The following ADAMTS2 variants were observed in gnomAD, a reference collection of about 807,000 sequenced individuals.
ADAMTS2 encodes ADAM metallopeptidase with thrombospondin type 1 motif 2.
Under a neutral mutation model 123.0 loss-of-function variants are expected in ADAMTS2, and 50 were observed. The observed-to-expected ratio is 0.41, with a 90% CI of 0.32 to 0.51. The LOEUF (loss-of-function observed/expected upper bound fraction) is 0.51, where lower values mean the gene tolerates loss of function less well. Ranked by LOEUF, ADAMTS2 falls within the 20% of genes least tolerant of loss-of-function variation. The probability of loss-of-function intolerance (pLI) is 0.35; values close to 1 mark genes in which losing one functional copy is unlikely to be tolerated. For synonymous variants in ADAMTS2, 678 were observed against 695.4 expected, an observed-to-expected ratio of 0.98 and a Z score of 0.39; for missense variants, 1,494 against 1,705.2, an observed-to-expected ratio of 0.88 and a Z score of 2.18.
At chr5:179,133,002 T>C in intron 13 of ADAMTS2, 102 bp from the exon 14 acceptor site, 8 of 1,488,692 alleles carry the variant, frequency 5.4e-6, no homozygotes, top group Non-Finnish European at 6.4e-6. Context: ...CAAGCGATCC[T>C]CCTGCCTTGG....
In ADAMTS2 at chr5:179,276,737, G is replaced by A. The variant is rs145610018; in HGVS notation, c.535-3673C>T. ...GGGCATCTCCCAGACAGGTCCCTGGGCCAGACTGGGCCGATTGAGCCAATT... is the reference window on the plus strand; with the variant it reads ...GGGCATCTCCCAGACAGGTCCCTGGACCAGACTGGGCCGATTGAGCCAATT... On this transcript the variant is annotated intron_variant, in intron 2 of 21. Transcript: ENST00000251582. Among the ~76,000 whole-genome samples, 21 of 152,352 alleles carry A rather than the reference G, an allele frequency of 1.4e-4. No homozygotes were observed. The East Asian group carries it at 3.7e-3, about 27-fold the overall frequency.
At chr5:179,157,768 T>A (rs765927670) in intron 6 of ADAMTS2, among the ~76,000 whole-genome samples, 9 of 152,168 alleles carry the variant, frequency 5.9e-5, no homozygotes, top group African/African-American at 9.7e-5. Context: ...CTGATAAGAG[T>A]CTCCTGCCCA....
chr5:179,304,144 G>T (rs1756607037), intron 2 of ADAMTS2, among the ~76,000 whole-genome samples: 1 of 152,104 alleles, frequency 6.6e-6, no homozygotes, highest in African/African-American at 2.4e-5. Flanking sequence ...ACCTGACATT[G>T]AACCGCAATC....
intron 2 of ADAMTS2, among the ~76,000 whole-genome samples, chr5:179,274,081 TCCTGCCCTCCCCTGCCATCCAG>T (rs1461898808): frequency 4.9e-5 from 7 of 141,962 alleles, no homozygotes; most frequent in Non-Finnish European, 7.6e-5. Context: ...CCCTCACCTC[TCCTGCCCTCCCCTGCCATCCAG>T]CCTGCCCTCC....
Position 179,256,531 on chromosome 5 carries a change from A to T in ADAMTS2, c.688+16380T>A, listed in dbSNP as rs62394989. 1.2e-5 allele frequency among the ~76,000 whole-genome samples: 1 copy of T among 82,622 alleles called. No homozygotes were observed. Among genetic ancestry groups the T allele is most frequent in the Non-Finnish European group, 3.6e-5 (1 of 27,784 alleles). 54.2% of individuals were successfully genotyped at this position (82,622 alleles called of 152,430 possible). ...GTGTGTGCATGCCTGCGTGTGTGTG[A>T]GAGAGAGAGAGGAGAGAGAGACGGA... On this transcript the variant is annotated intron_variant, in intron 3 of 21. Coordinates refer to ENST00000251582, the MANE Select transcript of ADAMTS2 (RefSeq NM_014244.5). The surrounding 1 kb of genome is among the most constrained non-coding windows in gnomAD (Gnocchi z 4.1).
At chr5:179,241,195 C>T (rs1213565071) in intron 3 of ADAMTS2, among the ~76,000 whole-genome samples, 1 of 152,208 alleles carries the variant, frequency 6.6e-6, no homozygotes, top group South Asian at 2.1e-4. Context: ...GAGGCCATGC[C>T]ACTGCCTTGT....
intron 2 of ADAMTS2, among the ~76,000 whole-genome samples, chr5:179,319,165 G>A (rs1225992824): frequency 1.2e-4 from 18 of 152,010 alleles, no homozygotes; most frequent in Admixed American, 1.1e-3. Flanking sequence ...GCACTCACAC[G>A]CAGGCGTCAC....
rs550509625 is a variant in ADAMTS2 at position 179,274,677 on chromosome 5, C to A, written c.535-1613G>T. Among the ~76,000 whole-genome samples, 719 of 152,348 alleles carry A rather than the reference C, an allele frequency of 4.7e-3. 11 individuals are homozygous for A. Among genetic ancestry groups the A allele is most frequent in the African/African-American group, 0.016 (682 of 41,580 alleles). On this transcript the variant is annotated intron_variant, in intron 2 of 21. Coordinates refer to ENST00000251582, the MANE Select transcript of ADAMTS2 (RefSeq NM_014244.5). Reference sequence around the variant, plus strand: ...GCCCCATCCTGTTGCTGGCTGGGAGCCTCTGCAGACCGAGATGCAGTCAGT... The same window carrying A: ...GCCCCATCCTGTTGCTGGCTGGGAGACTCTGCAGACCGAGATGCAGTCAGT...
chr5:179,186,907 C>G (rs1400182276), intron 4 of ADAMTS2, among the ~76,000 whole-genome samples: 1 of 149,842 alleles, frequency 6.7e-6, no homozygotes, highest in African/African-American at 2.4e-5. Context: ...CCTTCCCCTT[C>G]CACTGTCTAA....
intron 3 of ADAMTS2, among the ~76,000 whole-genome samples, chr5:179,227,425 G>A (rs1765314814): frequency 6.6e-6 from 1 of 152,182 alleles, no homozygotes; most frequent in African/African-American, 2.4e-5. Context: ...GGGCCACCCT[G>A]ACAGTCAAGG....
intron 2 of ADAMTS2, among the ~76,000 whole-genome samples, chr5:179,315,092 G>C (rs1756950906): frequency 9.0e-6 from 1 of 111,508 alleles, no homozygotes; most frequent in African/African-American, 3.4e-5. Context: ...CCCTGCCCCT[G>C]CATGGAGCAG....
chr5:179,113,771 A>G lies in ADAMTS2; in HGVS notation c.*96T>C. 2 of 1,289,736 alleles carry G rather than the reference A, an allele frequency of 1.6e-6. No individual in the cohort carries two copies. Among genetic ancestry groups the G allele is most frequent in the South Asian group, 1.2e-5 (1 of 82,058 alleles). The allele number at this position is 1,289,736 out of a possible 1,614,324, so 79.9% of individuals were successfully genotyped here. ...TTTCTCAAAACCTTTTGGAATCAGG[A>G]ATTTTGACTTCATCTCCATGACACA... On this transcript the variant is annotated 3_prime_UTR_variant, in exon 22 of 22. Coordinates refer to ENST00000251582, the MANE Select transcript of ADAMTS2 (RefSeq NM_014244.5).
chr5:179,205,582 G>A (rs924620542), intron 4 of ADAMTS2, among the ~76,000 whole-genome samples: 2 of 152,088 alleles, frequency 1.3e-5, no homozygotes, highest in African/African-American at 2.4e-5. Flanking sequence ...GTTGGAAGGC[G>A]ACATAATGCT....
intron 3 of ADAMTS2, 77 bp from the exon 4 acceptor site, chr5:179,207,792 A>G: frequency 7.5e-7 from 1 of 1,341,866 alleles, no homozygotes; most frequent in South Asian, 1.2e-5. Context: ...CAGCTTGGCC[A>G]TCCTCTCATT....
chr5:179,319,987 A>G lies in ADAMTS2; in HGVS notation c.534+23780T>C, dbSNP rs560564350. Among the ~76,000 whole-genome samples the G allele has an allele frequency of 2.4e-3, 368 of 151,776 alleles. 3 individuals carry two copies. Among genetic ancestry groups the G allele is most frequent in the African/African-American group, 8.5e-3 (350 of 41,326 alleles). ...AGGCTTGCTTCTCTGCATTCAGGCC[A>G]CTCCTGCTGCCCAGCCTGACGGCTC... On this transcript the variant is annotated intron_variant, in intron 2 of 21. Coordinates refer to ENST00000251582, the MANE Select transcript of ADAMTS2 (RefSeq NM_014244.5).
chr5:179,256,446 C>T lies in ADAMTS2; in HGVS notation c.688+16465G>A, dbSNP rs185203585. Among the ~76,000 whole-genome samples the T allele has an allele frequency of 1.3e-5, 2 of 152,288 alleles. No homozygotes were observed. Among genetic ancestry groups the T allele is most frequent in the Admixed American group, 6.5e-5 (1 of 15,300 alleles). ...CTCAGGGAAGCTCCTGGGTGCGGCT[C>T]GGTTCACTCCAGCATTTCCTACATG... is the stretch of plus-strand genomic sequence containing the variant. On this transcript the variant is annotated intron_variant, in intron 3 of 21. Transcript: ENST00000251582. This position sits in a 1 kb window ranked among gnomAD's most constrained non-coding sequence, Gnocchi z 4.1.
At chr5:179,157,413 T>C (rs1763494671) in intron 6 of ADAMTS2, among the ~76,000 whole-genome samples, 1 of 152,224 alleles carries the variant, frequency 6.6e-6, no homozygotes, top group South Asian at 2.1e-4. Context: ...GCGCTGTGTT[T>C]GAGGGGAGCT....
At chr5:179,302,639 C>G (rs1002378266) in intron 2 of ADAMTS2, among the ~76,000 whole-genome samples, 18 of 151,474 alleles carry the variant, frequency 1.2e-4, no homozygotes, top group Non-Finnish European at 2.1e-4. Context: ...TGCTATCTCC[C>G]GGGGGGGCAA....
chr5:179,153,571 G>A lies in ADAMTS2; in HGVS notation c.1435C>T (p.Pro479Ser). Residue 479 changes from proline (P) to serine (S), a missense_variant, in exon 9 of 22, where the codon CCC becomes TCC. Pro to Ser is a moderately conservative substitution (Grantham distance 74). This residue lies in a region of ADAMTS2 where 953 missense variants were observed against 1,124.7 expected (regional missense o/e 0.85). Transcript: ENST00000251582. ...GAGTAGTGCAGTCCCGGGAGCTGGGGCAGCGCCGGCCAGTCGTGGGCGAAG... is the reference window on the plus strand; with the variant it reads ...GAGTAGTGCAGTCCCGGGAGCTGGGACAGCGCCGGCCAGTCGTGGGCGAAG... ...DPFAHDWPAL[P>S]QLPGLHYSMN... 1.2e-6 allele frequency: 2 copies of A among 1,609,272 alleles called. No homozygotes were observed. Among genetic ancestry groups the A allele is most frequent in the Non-Finnish European group, 1.7e-6 (2 of 1,179,792 alleles).
Sources: gnomAD v4.1 joint callset for allele counts (sites outside exome capture counted in the v4.1 genomes callset) on GRCh38, gnomAD v4.1.1 for gene constraint, gnomAD v4.1.1 regional missense constraint, Gnocchi (gnomAD v3.1) non-coding constraint, MANE v1.5 for transcripts, NCBI Gene and HGNC (gene_info 2026-07-23, HGNC 2026-07-21) for gene names.